The following HSD11B1 variants were observed in gnomAD, a reference collection of about 807,000 sequenced individuals.
HSD11B1 encodes the protein hydroxysteroid 11-beta dehydrogenase 1, also known as 11-beta-hydroxysteroid dehydrogenase 1.
In HSD11B1, 15 loss-of-function variants were observed where a neutral mutation model predicts 22.1. The observed-to-expected ratio is 0.68, with a 90% CI of 0.45 to 1.04. HSD11B1 has a LOEUF of 1.04. Among genes scored for constraint, HSD11B1 ranks in the 50% least tolerant of loss-of-function variants. The pLI, the probability that HSD11B1 is intolerant of heterozygous loss-of-function variation, is 0.00. For missense variants in HSD11B1, 281 were observed against 357.6 expected, an observed-to-expected ratio of 0.79 and a Z score of 1.73; for synonymous variants, 122 against 125.2, an observed-to-expected ratio of 0.97 and a Z score of 0.17.
intron 4 of HSD11B1, among the ~76,000 whole-genome samples, chr1:209,726,133 T>C (rs2076999378): frequency 1.3e-5 from 2 of 151,898 alleles, no homozygotes; most frequent in African/African-American, 4.8e-5. Flanking sequence ...ACACAAAAAT[T>C]AGCCAGGCAT....
chr1:209,699,156 A>T (rs192894384), intron 1 of HSD11B1, among the ~76,000 whole-genome samples: 191 of 152,206 alleles, frequency 1.3e-3, no homozygotes, highest in African/African-American at 4.4e-3. Context: ...AATTGCATGA[A>T]ATGATAGTTC....
intron 1 of HSD11B1, among the ~76,000 whole-genome samples, chr1:209,694,909 T>C (rs967560061): frequency 2.6e-5 from 4 of 152,358 alleles, no homozygotes; most frequent in African/African-American, 9.6e-5. Context: ...AGTGGTGGCC[T>C]GAGTTAGGAT....
At chr1:209,714,701 C>T (rs1483342345) in intron 4 of HSD11B1, among the ~76,000 whole-genome samples, 2 of 152,076 alleles carry the variant, frequency 1.3e-5, no homozygotes, top group Non-Finnish European at 2.9e-5. Context: ...TTTTTAGCAT[C>T]CTTGGCTCTG....
chr1:209,701,549 G>A (rs1050770079), upstream of HSD11B1, among the ~76,000 whole-genome samples: 6 of 152,110 alleles, frequency 3.9e-5, no homozygotes, highest in South Asian at 2.1e-4. Context: ...CTGTTTCAAC[G>A]TTGCAGTGTT....
chr1:209,731,930 C>A (rs2102401738), intron 4 of HSD11B1, among the ~76,000 whole-genome samples: 1 of 152,278 alleles, frequency 6.6e-6, no homozygotes, highest in East Asian at 1.9e-4. Flanking sequence ...TGGTCTCGAA[C>A]TCCTGACTTC....
intron 4 of HSD11B1, among the ~76,000 whole-genome samples, chr1:209,715,421 A>C (rs188973818): frequency 1.1e-4 from 17 of 152,234 alleles, no homozygotes; most frequent in African/African-American, 2.6e-4. Context: ...CTAAAAAAAA[A>C]AACAACAACA....
chr1:209,713,003 C>T (rs922449998), intron 4 of HSD11B1, among the ~76,000 whole-genome samples: 9 of 152,078 alleles, frequency 5.9e-5, no homozygotes, highest in Admixed American at 2.6e-4. Context: ...GAGCCGAGAT[C>T]GCACCACTGC....
At position 209,706,912 on chromosome 1, in the gene HSD11B1, G is replaced by A. The variant is rs1369800448; in HGVS notation, c.332-31G>A. ...GAGAATGGGAAAGGTATCAACCCCA[G>A]ATGATTTCTTAATATAGCCATCTCT... On this transcript the variant is annotated intron_variant, in intron 3 of 5. Transcript: ENST00000367027. The surrounding 1 kb of genome is among the most constrained non-coding windows in gnomAD (Gnocchi z 4.0). 1.2e-6 allele frequency: 2 copies of A among 1,612,388 alleles called. No individual in the cohort carries two copies. The highest frequency in any genetic ancestry group is 2.2e-5 in the East Asian group (1 of 44,862).
At chr1:209,720,129 T>C (rs1452725508) in intron 4 of HSD11B1, among the ~76,000 whole-genome samples, 1 of 152,010 alleles carries the variant, frequency 6.6e-6, no homozygotes, top group African/African-American at 2.4e-5. Context: ...TTTTTTTAAG[T>C]ACCACCCGAA....
intron 1 of HSD11B1, among the ~76,000 whole-genome samples, chr1:209,690,323 A>T (rs1211986023): frequency 1.3e-5 from 2 of 152,160 alleles, no homozygotes; most frequent in African/African-American, 4.8e-5. Context: ...AATAATAATA[A>T]GATAAAATAA....
At chr1:209,695,146 G>C (rs918634742) in intron 1 of HSD11B1, among the ~76,000 whole-genome samples, 23 of 152,204 alleles carry the variant, frequency 1.5e-4, no homozygotes, top group African/African-American at 5.5e-4. Flanking sequence ...GATGTGCCTT[G>C]CTTCCCCTTA....
intron 4 of HSD11B1, among the ~76,000 whole-genome samples, chr1:209,718,267 C>T (rs1472552776): frequency 6.6e-6 from 1 of 152,106 alleles, no homozygotes; most frequent in African/African-American, 2.4e-5. Context: ...ATAATAAATG[C>T]TTGTGATGAT....
At chr1:209,721,387 T>A (rs2076965419) in intron 4 of HSD11B1, among the ~76,000 whole-genome samples, 1 of 145,916 alleles carries the variant, frequency 6.9e-6, no homozygotes, top group Non-Finnish European at 1.5e-5. Flanking sequence ...GCTATTACCC[T>A]CAAATGGCTC....
chr1:209,698,140 A>G (rs1408841259), intron 1 of HSD11B1, among the ~76,000 whole-genome samples: 1 of 151,222 alleles, frequency 6.6e-6, no homozygotes, highest in South Asian at 2.1e-4. Context: ...CAGCTTAGAT[A>G]GAGGATAGGT....
At position 209,706,643 on chromosome 1, in the gene HSD11B1, A is replaced by T; in HGVS notation, c.220-66A>T. 1 of 979,920 alleles carries T rather than the reference A, an allele frequency of 1.0e-6. No individual in the cohort carries two copies. Among genetic ancestry groups the T allele is most frequent in the Non-Finnish European group, 1.7e-6 (1 of 605,038 alleles). 60.7% of individuals were successfully genotyped at this position (979,920 alleles called of 1,614,324 possible). A position where few individuals can be genotyped will look rare whatever the true frequency, so the allele number is the denominator to read the frequency against. ...CAATCTCTCATTTAAGCCCCCCGTT[A>T]CTTCAGAGACTACCCCCCAAAAATC... On this transcript the variant is annotated intron_variant, in intron 2 of 5. Transcript: ENST00000367027. The surrounding 1 kb of genome is among the most constrained non-coding windows in gnomAD (Gnocchi z 4.0).
Position 209,706,710 on chromosome 1 carries a change from T to C in HSD11B1, c.221T>C (p.Val74Ala), listed in dbSNP as rs1479286915. 1 of 1,608,374 alleles carries C rather than the reference T, an allele frequency of 6.2e-7. No individual in the cohort carries two copies. The change falls in exon 3 of 6, where the codon GTG becomes GCG. Residue 74 changes from valine (V) to alanine (A), a missense_variant and splice_region_variant. Transcript: ENST00000367027. This position sits in a 1 kb window ranked among gnomAD's most constrained non-coding sequence, Gnocchi z 4.0. ...TARSKETLQK[V>A]VSHCLELGAA... ...GCCATTTCTGCTGTATCACTGCAGG[T>C]GGTATCCCACTGCCTGGAGCTTGGA...
intron 1 of HSD11B1, among the ~76,000 whole-genome samples, chr1:209,687,161 T>C (rs542778705): frequency 1.3e-5 from 2 of 152,246 alleles, no homozygotes; most frequent in African/African-American, 4.8e-5. Context: ...GATGCATGCT[T>C]CAGAAAACAT....
chr1:209,711,708 A>T (rs191959941), intron 4 of HSD11B1, among the ~76,000 whole-genome samples: 266 of 152,276 alleles, frequency 1.7e-3, no homozygotes, highest in African/African-American at 5.9e-3. Context: ...GGGCATAAAA[A>T]TTCCAGAAAA....
intron 4 of HSD11B1, among the ~76,000 whole-genome samples, chr1:209,730,684 A>G (rs59300044): frequency 1.3e-5 from 2 of 152,334 alleles, no homozygotes; most frequent in African/African-American, 4.8e-5. Flanking sequence ...GACATAAAAC[A>G]AAGAGTTAAT....
Sources: gnomAD v4.1 joint callset for allele counts (sites outside exome capture counted in the v4.1 genomes callset) on GRCh38, gnomAD v4.1.1 for gene constraint, Gnocchi (gnomAD v3.1) non-coding constraint, MANE v1.5 for transcripts, NCBI Gene and HGNC (gene_info 2026-07-23, HGNC 2026-07-21) for gene names.